NUP50: variants seen among roughly 807,000 people sequenced by gnomAD.
NUP50 encodes the protein nuclear pore complex protein Nup50.
Under a neutral mutation model 36.8 loss-of-function variants are expected in NUP50, and 14 were observed. The observed-to-expected ratio is 0.38, with a 90% CI of 0.25 to 0.59. The LOEUF is 0.59. NUP50 is among the 20% of genes least tolerant of loss of function. The probability of loss-of-function intolerance (pLI) is 0.63; values close to 1 mark genes in which losing one functional copy is unlikely to be tolerated. For synonymous variants in NUP50, 195 were observed against 210.8 expected (o/e 0.93, Z 0.65); for missense variants, 455 against 564.6 (o/e 0.81, Z 1.97).
chr22:45,184,495 G>C lies in NUP50; in HGVS notation c.1247G>C (p.Cys416Ser). 1 of 1,613,942 alleles carries C rather than the reference G, an allele frequency of 6.2e-7. No individual in the cohort carries two copies. Among genetic ancestry groups the C allele is most frequent in the Non-Finnish European group, 8.5e-7 (1 of 1,179,850 alleles). ...LNVLIPPNMP[C>S]TRTGKNNVLI... ...GTTCTGATTCCACCCAATATGCCATGTACGCGAACAGGGAAGAATAACGTT... is the reference window on the plus strand; with the variant it reads ...GTTCTGATTCCACCCAATATGCCATCTACGCGAACAGGGAAGAATAACGTT... The change falls in exon 8 of 8, where the codon TGT (cysteine) becomes TCT (serine). Residue 416 changes from cysteine to serine, a missense_variant. Coordinates refer to ENST00000347635, the MANE Select transcript of NUP50 (RefSeq NM_007172.4).
At position 45,187,167 on chromosome 22, in the gene NUP50, T is replaced by C. The variant is rs79761340; in HGVS notation, c.*2512T>C. ...ACAAATACTAAATATCCCAGTGGCC[T>C]TTTTTTTTTTTTTTTTAAAACCTGT... On this transcript the variant is annotated 3_prime_UTR_variant, in exon 8 of 8. Coordinates refer to ENST00000347635, the MANE Select transcript of NUP50 (RefSeq NM_007172.4). 4 of 76,452 alleles carry C rather than the reference T, an allele frequency of 5.2e-5. No homozygotes were observed. The highest frequency in any genetic ancestry group is 1.7e-4 in the African/African-American group (3 of 17,572). The allele number at this position is 76,452 out of a possible 1,614,324, so 4.7% of individuals were successfully genotyped here. A position where few individuals can be genotyped will look rare whatever the true frequency, so the allele number is the denominator to read the frequency against.
At position 45,186,392 on chromosome 22, in the gene NUP50, G is replaced by A. The variant is rs1254252027; in HGVS notation, c.*1737G>A. On this transcript the variant is annotated 3_prime_UTR_variant, in exon 8 of 8. Transcript: ENST00000347635. ...GATGCTGTTAATACCGGCCCCACCC[G>A]ATTGACATTAAGTTTATTCAGCTTT... 1.3e-5 allele frequency: 2 copies of A among 152,190 alleles called. No individual in the cohort carries two copies. Among genetic ancestry groups the A allele is most frequent in the African/African-American group, 2.4e-5 (1 of 41,452 alleles). The allele number at this position is 152,190 out of a possible 1,614,324, so 9.4% of individuals were successfully genotyped here.
At chr22:45,171,174 AT>A in intron 2 of NUP50, 1 of 831,520 alleles carries the variant, frequency 1.2e-6, no homozygotes, top group Non-Finnish European at 1.5e-6. Flanking sequence ...CTTAAAAATC[AT>A]GTGTATGTTA....
intron 6 of NUP50, among the ~76,000 whole-genome samples, chr22:45,182,890 C>T (rs966582871): frequency 2.6e-4 from 40 of 151,678 alleles, no homozygotes; most frequent in Non-Finnish European, 8.8e-5. Flanking sequence ...TCCCAAAGTG[C>T]TGGGATACAG....
chr22:45,165,759 T>C (rs1050553438), intron 1 of NUP50: 7 of 152,276 alleles, frequency 4.6e-5, no homozygotes, highest in African/African-American at 1.4e-4. Flanking sequence ...TTGCTTCTAA[T>C]AAAACTTGTT....
rs1309670092 is a variant in NUP50, at chr22:45,185,923, T to G, written c.*1268T>G. ...GCTGATCTTGTGTACAGGCTCAGGGTCAGTGCCCAAGGGCTCCCGCGTGTG... is the reference window on the plus strand; with the variant it reads ...GCTGATCTTGTGTACAGGCTCAGGGGCAGTGCCCAAGGGCTCCCGCGTGTG... On this transcript the variant is annotated 3_prime_UTR_variant, in exon 8 of 8. Transcript: ENST00000347635. 1 of 152,256 alleles carries G rather than the reference T, an allele frequency of 6.6e-6. No individual in the cohort carries two copies. The highest frequency in any genetic ancestry group is 6.5e-5 in the Admixed American group (1 of 15,282). 9.4% of individuals were successfully genotyped at this position (152,256 alleles called of 1,614,324 possible).
chr22:45,171,748 C>A, intron 3 of NUP50, 65 bp downstream of exon 3: 1 of 1,254,504 alleles, frequency 8.0e-7, no homozygotes, highest in Non-Finnish European at 1.2e-6. Flanking sequence ...CACAGCAATC[C>A]CTCCGCTGGG....
chr22:45,168,898 A>ATTTTTTTTTT (rs34675932), intron 2 of NUP50, among the ~76,000 whole-genome samples: 1 of 132,010 alleles, frequency 7.6e-6, no homozygotes, highest in African/African-American at 2.9e-5. Context: ...TATAAAAAAA[A>ATTTTTTTTTT]TTTTTTTTTT....
chr22:45,174,183 C>CT (rs132886), intron 3 of NUP50, among the ~76,000 whole-genome samples: 7,779 of 137,860 alleles, frequency 0.056, 549 homozygotes, highest in African/African-American at 0.16. Flanking sequence ...GGTATTTTCC[C>CT]TTTTTTTTTT....
At chr22:45,174,910 C>A (rs537426774) in intron 3 of NUP50, among the ~76,000 whole-genome samples, 1 of 151,786 alleles carries the variant, frequency 6.6e-6, no homozygotes, top group South Asian at 2.1e-4. Context: ...GAAAAACATG[C>A]AGTAATATTT....
In NUP50 at chr22:45,178,511, G is replaced by T. The variant is rs2074312830; in HGVS notation, c.614G>T (p.Gly205Val). The T allele has an allele frequency of 6.2e-7, 1 of 1,612,158 alleles. No individual in the cohort carries two copies. ...ANIEQQHGNS[G>V]RNSESESNKV... ...ATTGAACAGCAACACGGGAACAGTG[G>T]CAGGAATTCTGAAAGTGAATCTAAC... The change falls in exon 5 of 8, where the codon GGC (glycine) becomes GTC (valine). Residue 205 changes from glycine to valine, a missense_variant. Physicochemically the swap from Gly to Val is moderately radical, Grantham distance 109 (BLOSUM62 -3). Coordinates refer to ENST00000347635, the MANE Select transcript of NUP50 (RefSeq NM_007172.4).
At chr22:45,173,140 G>T (rs1416645236) in intron 3 of NUP50, among the ~76,000 whole-genome samples, 2 of 152,166 alleles carry the variant, frequency 1.3e-5, no homozygotes, top group African/African-American at 4.8e-5. Flanking sequence ...AAGGAAGTAG[G>T]TACAGAGGAA....
rs370574899 is a variant in NUP50, at chr22:45,169,370, A to G, written c.69+1124A>G. Among the ~76,000 whole-genome samples, 10 of 152,290 alleles carry G rather than the reference A, an allele frequency of 6.6e-5. No individual in the cohort carries two copies. In the East Asian group the frequency reaches 7.7e-4, roughly 12 times the overall value. On this transcript the variant is annotated intron_variant, in intron 2 of 7. Coordinates refer to ENST00000347635, the MANE Select transcript of NUP50 (RefSeq NM_007172.4). The stretch of plus-strand genomic sequence containing the variant: ...GGGCAACAGGGTGAGACCCTGTCTA[A>G]AAAACAAAGAATAAAACACAGCTGT...
At chr22:45,176,327 G>A (rs1288404346) in intron 4 of NUP50, among the ~76,000 whole-genome samples, 1 of 152,138 alleles carries the variant, frequency 6.6e-6, no homozygotes, top group African/African-American at 2.4e-5. Context: ...GTGTGACCCT[G>A]GCCTCTAGGC....
At chr22:45,175,806 T>TAA in intron 3 of NUP50, 88 bp from the exon 4 acceptor site, 1 of 1,300,612 alleles carries the variant, frequency 7.7e-7, no homozygotes, top group Non-Finnish European at 1.1e-6. Context: ...GTCTAGGTGC[T>TAA]GTTTAGCCAA....
chr22:45,168,038 G>A, intron 1 of NUP50, 130 bp from the exon 2 acceptor site: 1 of 687,090 alleles, frequency 1.5e-6, no homozygotes, highest in Non-Finnish European at 2.5e-6. Context: ...GCAGTTTCCA[G>A]ATGCTTTTTT....
chr22:45,178,331 T>G lies in NUP50; in HGVS notation c.434T>G (p.Leu145Arg), dbSNP rs762062207. 3.7e-6 allele frequency: 6 copies of G among 1,613,902 alleles called. No homozygotes were observed. The highest frequency in any genetic ancestry group is 1.7e-5 in the Admixed American group (1 of 59,998). Residue 145 changes from leucine to arginine, a missense_variant, in exon 5 of 8, where the codon CTT becomes CGT. By Grantham distance (102) the Leu-to-Arg change is moderately radical. This residue lies in a region of NUP50 where 166 missense variants were observed against 202.8 expected (regional missense o/e 0.82). Transcript: ENST00000347635. ...GDSQQPSSSG[L>R]ASSKACVGNA... ...AGTCAGCAGCCCTCCTCCTCTGGCC[T>G]TGCTTCCAGTAAAGCTTGTGTCGGA...
rs560011949 is a variant in NUP50, at chr22:45,184,574, A to C, written c.1326A>C (p.Pro442=). 27 of 1,612,066 alleles carry C rather than the reference A, an allele frequency of 1.7e-5. No homozygotes were observed. The South Asian group carries it at 2.6e-4, about 16-fold the overall frequency. ...TTGACGAGAAGAATGCCACCATGCC[A>C]GTCACCATGTTGATTCGGGTAAAAA... ...PPIDEKNATM[P]VTMLIRVKTS... is the part of the protein sequence containing the mutation. The change falls in exon 8 of 8, where the codon CCA becomes CCC. Residue 442 remains proline (P), a synonymous_variant. Transcript: ENST00000347635.
chr22:45,180,856 G>A lies in NUP50; in HGVS notation c.1004-430G>A, dbSNP rs115152422. Among the ~76,000 whole-genome samples the A allele has an allele frequency of 8.5e-3, 1,253 of 146,606 alleles. 13 individuals carry two copies. The highest frequency in any genetic ancestry group is 0.03 in the African/African-American group (1,185 of 39,444). Reference sequence around the variant, plus strand: ...TTGTCCCCTGTTAAAAAAAAAAAAAGTATTTTTCTATCTTTGGCTATTACT... The same window carrying A: ...TTGTCCCCTGTTAAAAAAAAAAAAAATATTTTTCTATCTTTGGCTATTACT... On this transcript the variant is annotated intron_variant, in intron 5 of 7. Coordinates refer to ENST00000347635, the MANE Select transcript of NUP50 (RefSeq NM_007172.4).
Sources: gnomAD v4.1 joint callset for allele counts (sites outside exome capture counted in the v4.1 genomes callset) on GRCh38, gnomAD v4.1.1 for gene constraint, gnomAD v4.1.1 regional missense constraint, MANE v1.5 for transcripts, NCBI Gene and HGNC (gene_info 2026-07-23, HGNC 2026-07-21) for gene names.